Variants in KIF21A observed in about 807,000 individuals in gnomAD.
The protein encoded by KIF21A is kinesin family member 21A.
KIF21A carries 114 observed loss-of-function variants against 202.9 expected under a neutral mutation model. That is an observed-to-expected ratio of 0.56 (90% CI 0.48 to 0.66). KIF21A has a LOEUF of 0.66. Among genes scored for constraint, KIF21A ranks in the 30% least tolerant of loss-of-function variants. The probability of loss-of-function intolerance (pLI) is 0.00; values close to 1 mark genes in which losing one functional copy is unlikely to be tolerated. For missense variants in KIF21A, 1,677 were observed against 1,994.9 expected, an observed-to-expected ratio of 0.84 and a Z score of 3.04; for synonymous variants, 667 against 670.8, an observed-to-expected ratio of 0.99 and a Z score of 0.09.
Position 39,351,830 on chromosome 12 carries a change from T to C in KIF21A, c.1620A>G (p.Leu540=), listed in dbSNP as rs750461858. ...SDKETIEIID[L]AKKDLEKLKR... ...TCAACTTCTCTAAATCTTTTTTTGC[T>C]AGGTCTATAATTTCAATGGTTTCTT... The change falls in exon 11 of 38, where the codon CTA becomes CTG. Residue 540 remains leucine (L), a synonymous_variant. Coordinates refer to ENST00000361418, the MANE Select transcript of KIF21A (RefSeq NM_001173464.2). 3 of 1,605,076 alleles carry C rather than the reference T, an allele frequency of 1.9e-6. No homozygotes were observed. The highest frequency in any genetic ancestry group is 1.1e-5 in the South Asian group (1 of 90,428).
intron 17 of KIF21A, 68 bp downstream of exon 17, chr12:39,337,028 T>A: frequency 9.3e-7 from 1 of 1,077,156 alleles, no homozygotes; most frequent in Non-Finnish European, 1.4e-6. Context: ...AAATTTTTCC[T>A]CCATTTATTA....
At chr12:39,389,393 T>C (rs1045910794) in intron 1 of KIF21A, among the ~76,000 whole-genome samples, 2 of 152,166 alleles carry the variant, frequency 1.3e-5, no homozygotes, top group African/African-American at 4.8e-5. Context: ...GAATCATCCA[T>C]GACACAAATT....
In KIF21A at chr12:39,363,107, C is replaced by T. The variant is rs971322383; in HGVS notation, c.1010G>A (p.Gly337Glu). ...KLTRLLQDSL[G>E]GNSQTIMIAC... ...AATCATCTATGCATACCTATTACCC[C>T]CGAGGGAATCCTGTAGTAGTCTTGT... is the stretch of plus-strand genomic sequence containing the variant. The change falls in exon 7 of 38, where the codon GGG (glycine) becomes GAG (glutamate). Residue 337 changes from glycine to glutamate, a missense_variant. By Grantham distance (98) the Gly-to-Glu change is moderately conservative. Transcript: ENST00000361418. 1 of 1,596,254 alleles carries T rather than the reference C, an allele frequency of 6.3e-7. No homozygotes were observed. The highest frequency in any genetic ancestry group is 1.3e-5 in the African/African-American group (1 of 74,528).
rs56245570 is a variant in KIF21A, at chr12:39,441,660, TAAAAAA to T, written c.44+1261_44+1266del. Among the ~76,000 whole-genome samples, 4 of 37,782 alleles carry T rather than the reference TAAAAAA, an allele frequency of 1.1e-4. 1 individual carries two copies. The highest frequency in any genetic ancestry group is 2.2e-4 in the Non-Finnish European group (4 of 17,852). The allele number at this position is 37,782 out of a possible 152,430, so 24.8% of individuals were successfully genotyped here. A position where few individuals can be genotyped will look rare whatever the true frequency, so the allele number is the denominator to read the frequency against. ...ATAAAACTGTCACCTCCCTGGGTGG[TAAAAAA>T]AAAAAAAAAAAAAACACTTAAAAAC... On this transcript the variant is annotated intron_variant, in intron 1 of 37. Coordinates refer to ENST00000361418, the MANE Select transcript of KIF21A (RefSeq NM_001173464.2).
intron 1 of KIF21A, among the ~76,000 whole-genome samples, chr12:39,397,765 C>T (rs183138272): frequency 1.6e-4 from 24 of 152,306 alleles, no homozygotes; most frequent in Admixed American, 6.5e-4. Context: ...ACGTTTGGAT[C>T]CACTGGCCTA....
At chr12:39,397,701 G>A (rs1951863557) in intron 1 of KIF21A, among the ~76,000 whole-genome samples, 1 of 152,172 alleles carries the variant, frequency 6.6e-6, no homozygotes, top group Non-Finnish European at 1.5e-5. Context: ...AACTGTTGTA[G>A]TAGTAGGGCC....
In KIF21A at chr12:39,357,309, T is replaced by C. The variant is rs749535397; in HGVS notation, c.1344A>G (p.Ala448=). The C allele has an allele frequency of 5.6e-6, 9 of 1,614,176 alleles. No homozygotes were observed. Among genetic ancestry groups the C allele is most frequent in the Non-Finnish European group, 7.6e-6 (9 of 1,180,010 alleles). Residue 448 remains alanine, a synonymous_variant, in exon 9 of 38, where the codon GCA becomes GCG. Transcript: ENST00000361418. ...CAAGCTGTGTAATTCTGGACCTCAA[T>C]GCATCAACCGTCTCTTGCATGGCTT... ...RIKAMQETVD[A]LRSRITQLVS...
rs1302666091 is a variant in KIF21A, at chr12:39,442,814, G to T, written c.44+113C>A. ...GTTTCCTCAGCCGCAGAACCCGGCCGGGACGCCCCTCAGGTCGCTCCACCC... is the reference window on the plus strand; with the variant it reads ...GTTTCCTCAGCCGCAGAACCCGGCCTGGACGCCCCTCAGGTCGCTCCACCC... On this transcript the variant is annotated intron_variant, in intron 1 of 37. Coordinates refer to ENST00000361418, the MANE Select transcript of KIF21A (RefSeq NM_001173464.2). This position sits in a 1 kb window ranked among gnomAD's most constrained non-coding sequence, Gnocchi z 5.0. 7.6e-7 allele frequency: 1 copy of T among 1,314,574 alleles called. No individual in the cohort carries two copies. The highest frequency in any genetic ancestry group is 1.0e-6 in the Non-Finnish European group (1 of 961,154). 81.4% of individuals were successfully genotyped at this position (1,314,574 alleles called of 1,614,324 possible).
At position 39,330,918 on chromosome 12, in the gene KIF21A, C is replaced by T. The variant is rs754234225; in HGVS notation, c.3154-7G>A. 40 of 1,613,526 alleles carry T rather than the reference C, an allele frequency of 2.5e-5. No homozygotes were observed. Among genetic ancestry groups the T allele is most frequent in the Non-Finnish European group, 3.4e-5 (40 of 1,179,680 alleles). ...TCTGGGCAGCCTGAAGACCCTGAAA[C>T]ACAACAAAAAATTATCTTAGGTCAT... On this transcript the variant is annotated splice_polypyrimidine_tract_variant and splice_region_variant and intron_variant, in intron 22 of 37. Transcript: ENST00000361418.
chr12:39,307,125 A>G (rs1006007029), intron 34 of KIF21A, among the ~76,000 whole-genome samples: 2 of 152,072 alleles, frequency 1.3e-5, no homozygotes, highest in Admixed American at 6.6e-5. Flanking sequence ...ATTTTATTTT[A>G]TATTCACAAA....
In KIF21A at chr12:39,308,382, C is replaced by T. The variant is rs553925793; in HGVS notation, c.4278-653G>A. Among the ~76,000 whole-genome samples, 12 of 149,684 alleles carry T rather than the reference C, an allele frequency of 8.0e-5. No individual in the cohort carries two copies. In the South Asian group the frequency reaches 1.1e-3, roughly 13 times the overall value. On this transcript the variant is annotated intron_variant, in intron 33 of 37. Coordinates refer to ENST00000361418, the MANE Select transcript of KIF21A (RefSeq NM_001173464.2). ...CACCCTGGAAGACAGAGCAAGACTC[C>T]GTCTCAAAAAAAAAAAAAATCAACA...
In KIF21A at chr12:39,367,053, T is replaced by C; in HGVS notation, c.712A>G (p.Arg238Gly). Reference protein sequence around the residue: ...AIFTIHVCQTRVCPQIDADNA... With the variant: ...AIFTIHVCQTGVCPQIDADNA... ...ACAGCATCTATTTGGGGACACACTC[T>C]GGTTTGACACACATGAATGGTAAAA... Residue 238 changes from arginine to glycine, a missense_variant, in exon 5 of 38, where the codon AGA becomes GGA. Arg to Gly is a moderately radical substitution (Grantham distance 125, BLOSUM62 -2). Around this residue, in one of 3 missense-constraint regions of KIF21A, gnomAD observed 966 missense variants for 1,180.9 expected, o/e 0.82. Transcript: ENST00000361418. 1 of 1,613,838 alleles carries C rather than the reference T, an allele frequency of 6.2e-7. No homozygotes were observed. The highest frequency in any genetic ancestry group is 1.1e-5 in the South Asian group (1 of 91,082).
chr12:39,311,530 G>T lies in KIF21A; in HGVS notation c.3983C>A (p.Ala1328Asp). The part of the protein sequence containing the change: ...SRRGIINPFP[A>D]SKGIRAFPLQ... The stretch of plus-strand genomic sequence containing the variant: ...TGGAAAAGCTCTGATTCCTTTTGAA[G>T]CAGGAAATGGGTTGATTATGCCCCT... Residue 1328 changes from alanine to aspartate, a missense_variant, in exon 32 of 38, where the codon GCT becomes GAT. Transcript: ENST00000361418. The T allele has an allele frequency of 6.2e-7, 1 of 1,612,982 alleles. No individual in the cohort carries two copies. The highest frequency in any genetic ancestry group is 1.3e-5 in the African/African-American group (1 of 75,016).
At chr12:39,341,704 C>G in intron 13 of KIF21A, 82 bp from the exon 14 acceptor site, 2 of 1,421,030 alleles carry the variant, frequency 1.4e-6, no homozygotes, top group Non-Finnish European at 1.9e-6. Flanking sequence ...TGCTGGAGTA[C>G]AAAGTACGGA....
Position 39,296,025 on chromosome 12 carries a change from TAAA to T in KIF21A, c.4932-1511_4932-1509del, listed in dbSNP as rs34017775. Among the ~76,000 whole-genome samples, 348 of 86,778 alleles carry T rather than the reference TAAA, an allele frequency of 4.0e-3. 1 individual carries two copies. Among genetic ancestry groups the T allele is most frequent in the African/African-American group, 0.017 (336 of 19,876 alleles). The allele number at this position is 86,778 out of a possible 152,430, so 56.9% of individuals were successfully genotyped here. A position where few individuals can be genotyped will look rare whatever the true frequency, so the allele number is the denominator to read the frequency against. On this transcript the variant is annotated intron_variant, in intron 37 of 37. Transcript: ENST00000361418. Reference sequence around the variant, plus strand: ...GGATATGGTTTTTTTGTTTGTTTGTTAAAAAAAAAAAAAAAAAAAAAAGCATTC... The same window carrying T: ...GGATATGGTTTTTTTGTTTGTTTGTTAAAAAAAAAAAAAAAAAAAGCATTC...
In KIF21A at chr12:39,391,833, G is replaced by C. The variant is rs113038904; in HGVS notation, c.45-21572C>G. 2.6e-3 allele frequency among the ~76,000 whole-genome samples: 400 copies of C among 152,046 alleles called. 3 individuals are homozygous for C. Among genetic ancestry groups the C allele is most frequent in the African/African-American group, 8.8e-3 (366 of 41,472 alleles). On this transcript the variant is annotated intron_variant, in intron 1 of 37. Coordinates refer to ENST00000361418, the MANE Select transcript of KIF21A (RefSeq NM_001173464.2). ...CGGCTCACTGCAACCTCTGCCTCCC[G>C]GGTTCAAGCAATTTTCTGCCCCAGC...
At chr12:39,367,496 T>A (rs1435877754) in intron 4 of KIF21A, among the ~76,000 whole-genome samples, 3 of 152,212 alleles carry the variant, frequency 2.0e-5, no homozygotes, top group African/African-American at 4.8e-5. Flanking sequence ...TCCGTTAAAA[T>A]TATTTTTTGT....
chr12:39,325,736 C>A, intron 26 of KIF21A, 103 bp downstream of exon 26: 1 of 815,814 alleles, frequency 1.2e-6, no homozygotes, highest in Non-Finnish European at 2.1e-6. Context: ...AAACCATGCC[C>A]TCTTGCTAAT....
intron 37 of KIF21A, among the ~76,000 whole-genome samples, chr12:39,296,529 A>G (rs914756787): frequency 2.6e-5 from 4 of 152,234 alleles, no homozygotes; most frequent in African/African-American, 7.2e-5. Context: ...AGGGGTGGAA[A>G]AAAAAGGAGA....
Sources: allele counts gnomAD v4.1 joint callset (sites outside exome capture counted in the v4.1 genomes callset), GRCh38; gene constraint gnomAD v4.1.1; regional missense constraint gnomAD v4.1.1; non-coding constraint Gnocchi (gnomAD v3.1); transcripts MANE v1.5; gene names NCBI Gene and HGNC (gene_info 2026-07-23, HGNC 2026-07-21).